Variants in PUM1 observed in about 807,000 individuals in gnomAD.
PUM1 encodes the protein pumilio RNA binding family member 1, also known as pumilio homolog 1.
PUM1 carries 13 observed loss-of-function variants against 131.8 expected under a neutral mutation model. The observed-to-expected ratio is 0.10, with a 90% CI of 0.06 to 0.16. The LOEUF (loss-of-function observed/expected upper bound fraction) is 0.16, where lower values mean the gene tolerates loss of function less well. PUM1 is among the 10% of genes least tolerant of loss of function. The pLI, the probability that PUM1 is intolerant of heterozygous loss-of-function variation, is 1.00. For missense variants in PUM1, 961 were observed against 1,512.4 expected, an observed-to-expected ratio of 0.64 and a Z score of 6.05; for synonymous variants, 509 against 556.5, an observed-to-expected ratio of 0.91 and a Z score of 1.20.
At chr1:31,034,875 C>A (rs866037222) in intron 2 of PUM1, among the ~76,000 whole-genome samples, 11 of 152,086 alleles carry the variant, frequency 7.2e-5, no homozygotes, top group South Asian at 2.1e-4. Flanking sequence ...TAATCAGAAT[C>A]GTTGATGCCA....
intron 2 of PUM1, among the ~76,000 whole-genome samples, chr1:31,038,973 TA>T (rs1435364139): frequency 5.7e-4 from 20 of 35,272 alleles, no homozygotes; most frequent in Non-Finnish European, 8.7e-4. Context: ...TATATATATA[TA>T]TATATATATA....
chr1:31,031,978 T>G (rs997149862), intron 2 of PUM1, among the ~76,000 whole-genome samples: 2 of 150,724 alleles, frequency 1.3e-5, no homozygotes, highest in Admixed American at 1.3e-4. Context: ...TATCTCCCGC[T>G]GCCTCATTTA....
chr1:31,014,061 G>A (rs150877739), intron 3 of PUM1, among the ~76,000 whole-genome samples: 2 of 152,262 alleles, frequency 1.3e-5, no homozygotes, highest in Non-Finnish European at 2.9e-5. Context: ...CAGCACTTTG[G>A]GAGGTGAGGC....
chr1:31,019,182 G>A (rs553834446), intron 3 of PUM1, among the ~76,000 whole-genome samples: 6 of 152,150 alleles, frequency 3.9e-5, no homozygotes, highest in Admixed American at 1.3e-4. Flanking sequence ...GTGAAACCCC[G>A]CCTCCATTAG....
chr1:30,972,094 A>G (rs1467044859), intron 10 of PUM1, among the ~76,000 whole-genome samples: 1 of 150,968 alleles, frequency 6.6e-6, no homozygotes, highest in African/African-American at 2.4e-5. Flanking sequence ...GTCACTACCA[A>G]AAATACAAAA....
At chr1:31,050,213 C>G (rs986630660) in intron 2 of PUM1, among the ~76,000 whole-genome samples, 1 of 152,052 alleles carries the variant, frequency 6.6e-6, no homozygotes, top group Non-Finnish European at 1.5e-5. Context: ...AGGCCAGGTA[C>G]GTGGCTCACA....
intron 2 of PUM1, among the ~76,000 whole-genome samples, chr1:31,046,761 C>T (rs1344899546): frequency 1.3e-5 from 2 of 152,060 alleles, no homozygotes; most frequent in African/African-American, 2.4e-5. Flanking sequence ...TGAGCCACCA[C>T]ACAAGGCCCA....
chr1:31,055,341 C>G, intron 2 of PUM1: 2 of 456,250 alleles, frequency 4.4e-6, no homozygotes, highest in South Asian at 3.1e-5. Context: ...AACCTCTCGT[C>G]TTCCCTCATT....
intron 2 of PUM1, among the ~76,000 whole-genome samples, chr1:31,053,645 T>C (rs920045329): frequency 6.6e-6 from 1 of 151,834 alleles, no homozygotes; most frequent in African/African-American, 2.4e-5. Flanking sequence ...GGCTAATTTC[T>C]GTATATTTTG....
chr1:31,050,584 T>C (rs1175040024), intron 2 of PUM1, among the ~76,000 whole-genome samples: 6 of 152,194 alleles, frequency 3.9e-5, no homozygotes, highest in Non-Finnish European at 7.3e-5. Context: ...TAAGAGTACA[T>C]GTGTAAGAGA....
chr1:31,059,950 G>A (rs1028297604), intron 1 of PUM1, among the ~76,000 whole-genome samples: 3 of 151,408 alleles, frequency 2.0e-5, no homozygotes, highest in Non-Finnish European at 4.4e-5. Context: ...AGACTCAAGC[G>A]ACTCTCCTGC....
chr1:31,039,260 C>T (rs958204470), intron 2 of PUM1, among the ~76,000 whole-genome samples: 4 of 151,190 alleles, frequency 2.6e-5, no homozygotes, highest in African/African-American at 9.7e-5. Flanking sequence ...GCTCTGTCAC[C>T]CAGGCTGGAG....
chr1:30,979,111 A>C (rs1447827483), intron 9 of PUM1, among the ~76,000 whole-genome samples: 4 of 152,042 alleles, frequency 2.6e-5, no homozygotes, highest in Non-Finnish European at 4.4e-5. Flanking sequence ...CTCCAAAAAA[A>C]AAAAAGAGAG....
intron 9 of PUM1, among the ~76,000 whole-genome samples, chr1:30,978,583 A>G (rs148633310): frequency 6.6e-6 from 1 of 152,254 alleles, no homozygotes; most frequent in African/African-American, 2.4e-5. Context: ...CATGTTACAT[A>G]ATAAGTAGTA....
intron 14 of PUM1, 71 bp from the exon 15 acceptor site, chr1:30,954,052 C>A: frequency 6.8e-7 from 1 of 1,466,392 alleles, no homozygotes; most frequent in Non-Finnish European, 9.3e-7. Context: ...AAAAAGCATT[C>A]CCACACCCGA....
intron 20 of PUM1, 125 bp downstream of exon 20, chr1:30,941,026 C>T: frequency 8.7e-7 from 1 of 1,152,860 alleles, no homozygotes; most frequent in South Asian, 2.0e-5. Flanking sequence ...AACTATTTGA[C>T]TTTTAAGCTA....
intron 7 of PUM1, 30 bp downstream of exon 7, chr1:30,992,360 T>C: frequency 5.0e-6 from 8 of 1,598,110 alleles, no homozygotes; most frequent in Non-Finnish European, 6.8e-6. Flanking sequence ...GGAGGGAGAG[T>C]AGAGAGGGTG....
At chr1:31,002,970 A>T (rs1220613140) in intron 5 of PUM1, among the ~76,000 whole-genome samples, 3 of 152,230 alleles carry the variant, frequency 2.0e-5, no homozygotes, top group South Asian at 2.1e-4. Flanking sequence ...CACTACATAG[A>T]GATTTATTTT....
At chr1:31,053,415 A>G (rs1352321746) in intron 2 of PUM1, among the ~76,000 whole-genome samples, 1 of 151,360 alleles carries the variant, frequency 6.6e-6, no homozygotes, top group Non-Finnish European at 1.5e-5. Context: ...TTTGGCCCAA[A>G]AATGAGGGCT....
Sources: allele counts gnomAD v4.1 joint callset (sites outside exome capture counted in the v4.1 genomes callset), GRCh38; gene constraint gnomAD v4.1.1; transcripts MANE v1.5; gene names NCBI Gene and HGNC (gene_info 2026-07-23, HGNC 2026-07-21).